Variants in SCHIP1 observed in about 807,000 individuals in gnomAD.
The protein encoded by SCHIP1 is schwannomin-interacting protein 1.
Under a neutral mutation model 29.7 loss-of-function variants are expected in SCHIP1, and 8 were observed. That is an observed-to-expected ratio of 0.27 (90% CI 0.16 to 0.49). SCHIP1 has a LOEUF of 0.49. SCHIP1 is among the 20% of genes least tolerant of loss of function. The pLI, the probability that SCHIP1 is intolerant of heterozygous loss-of-function variation, is 0.99. For synonymous variants in SCHIP1, 76 were observed against 94.9 expected (o/e 0.80, Z 1.16); for missense variants, 193 against 294.6 (o/e 0.66, Z 2.52).
the SCHIP1 span, among the ~76,000 whole-genome samples, chr3:159,634,228 A>C: frequency 6.6e-6 from 1 of 152,208 alleles, no homozygotes; most frequent in African/African-American, 2.4e-5. Flanking sequence ...ATTTTAAAAG[A>C]AAAAGTCATT....
the SCHIP1 span, among the ~76,000 whole-genome samples, chr3:159,500,146 G>GT: frequency 6.6e-3 from 968 of 146,814 alleles, 9 homozygotes; most frequent in African/African-American, 0.022. Flanking sequence ...TTGTTTTTTT[G>GT]TTTTTTTTTT....
the SCHIP1 span, among the ~76,000 whole-genome samples, chr3:159,532,633 T>TACA: frequency 6.6e-6 from 1 of 152,222 alleles, no homozygotes; most frequent in African/African-American, 2.4e-5. Context: ...AAGCAACAGA[T>TACA]ACACCAGAAA....
the SCHIP1 span, among the ~76,000 whole-genome samples, chr3:159,815,222 T>A: frequency 6.6e-6 from 1 of 152,268 alleles, no homozygotes; most frequent in East Asian, 1.9e-4. Flanking sequence ...AAGTTAGGAG[T>A]CTCAGAAATA....
chr3:159,488,864 A>G, the SCHIP1 span, among the ~76,000 whole-genome samples: 1 of 152,230 alleles, frequency 6.6e-6, no homozygotes, highest in South Asian at 2.1e-4. Context: ...AGATCTTATT[A>G]AAGTAATTAG....
chr3:159,353,398 C>T, the SCHIP1 span, among the ~76,000 whole-genome samples: 1 of 152,084 alleles, frequency 6.6e-6, no homozygotes, highest in Non-Finnish European at 1.5e-5. Flanking sequence ...CAGGCAGAGT[C>T]TAAACCCTGA....
chr3:159,895,427 T>C lies in SCHIP1; in HGVS notation c.684-1296T>C, dbSNP rs546827055. 2.0e-5 allele frequency among the ~76,000 whole-genome samples: 3 copies of C among 152,298 alleles called. No homozygotes were observed. The East Asian group carries it at 5.8e-4, about 29-fold the overall frequency. ...GCACACACAAACTATTCCTAAACGT[T>C]TGATTATAGCTGGAAACCACAGCCC... On this transcript the variant is annotated intron_variant, in intron 6 of 6. Coordinates refer to ENST00000445224, the Ensembl canonical transcript of SCHIP1.
At chr3:159,839,628 C>CTTTTTT (rs3068349), upstream of SCHIP1, among the ~76,000 whole-genome samples, 653 of 71,908 alleles carry the variant, frequency 9.1e-3, 1 homozygote, top group East Asian at 0.02. Flanking sequence ...AGGTCTTTTT[C>CTTTTTT]TTTTTTTTTT....
At chr3:159,654,837 C>T in the SCHIP1 span, among the ~76,000 whole-genome samples, 3 of 148,250 alleles carry the variant, frequency 2.0e-5, no homozygotes, top group Admixed American at 1.3e-4. Flanking sequence ...CCTCACAAAC[C>T]ATGCGAAGAC....
chr3:159,382,665 C>G, the SCHIP1 span, among the ~76,000 whole-genome samples: 26 of 151,054 alleles, frequency 1.7e-4, no homozygotes, highest in Non-Finnish European at 3.0e-4. Flanking sequence ...AGTTCTAGAT[C>G]CCTGAGGAAT....
the SCHIP1 span, among the ~76,000 whole-genome samples, chr3:159,359,625 A>G: frequency 0.06 from 9,142 of 152,308 alleles, 777 homozygotes; most frequent in African/African-American, 0.19. Flanking sequence ...TAAATAAATA[A>G]TACATTGTAT....
At chr3:159,546,875 T>TAAAC in the SCHIP1 span, among the ~76,000 whole-genome samples, 30,818 of 152,072 alleles carry the variant, frequency 0.2, 3,228 homozygotes, top group South Asian at 0.35. Flanking sequence ...AGTGCTGCAA[T>TAAAC]AAACATACAT....
the SCHIP1 span, among the ~76,000 whole-genome samples, chr3:159,330,123 T>C: frequency 6.6e-6 from 1 of 152,236 alleles, no homozygotes; most frequent in Non-Finnish European, 1.5e-5. Flanking sequence ...TATTGTGATA[T>C]GTGGAAGGGT....
chr3:159,300,858 A>G, the SCHIP1 span, among the ~76,000 whole-genome samples: 1 of 152,100 alleles, frequency 6.6e-6, no homozygotes, highest in Non-Finnish European at 1.5e-5. Context: ...TCAATGGAAA[A>G]ACCAAATCAC....
chr3:159,330,845 G>C, the SCHIP1 span, among the ~76,000 whole-genome samples: 7 of 152,146 alleles, frequency 4.6e-5, no homozygotes, highest in South Asian at 1.5e-3. Flanking sequence ...TGTACACTGT[G>C]CTTGAGTTTT....
the SCHIP1 span, among the ~76,000 whole-genome samples, chr3:159,692,410 CTTTG>C: frequency 5.7e-3 from 867 of 152,202 alleles, 8 homozygotes; most frequent in Non-Finnish European, 6.8e-3. Context: ...TTCTTGGAGG[CTTTG>C]TTTGTTTCTT....
At chr3:159,506,016 C>G in the SCHIP1 span, among the ~76,000 whole-genome samples, 1 of 152,182 alleles carries the variant, frequency 6.6e-6, no homozygotes, top group African/African-American at 2.4e-5. Flanking sequence ...AATGGTATTT[C>G]TAGTTCTAGA....
chr3:159,364,144 TATC>T, the SCHIP1 span, among the ~76,000 whole-genome samples: 2 of 152,228 alleles, frequency 1.3e-5, no homozygotes, highest in African/African-American at 2.4e-5. Context: ...CAGCACATCT[TATC>T]ATGACTTTGA....
the SCHIP1 span, among the ~76,000 whole-genome samples, chr3:159,544,534 TGTTTAA>T: frequency 6.6e-6 from 1 of 152,082 alleles, no homozygotes; most frequent in Non-Finnish European, 1.5e-5. Flanking sequence ...ACAATCAGGT[TGTTTAA>T]GTTTGACCAT....
the SCHIP1 span, among the ~76,000 whole-genome samples, chr3:159,506,132 T>C: frequency 6.6e-6 from 1 of 152,216 alleles, no homozygotes; most frequent in African/African-American, 2.4e-5. Flanking sequence ...CCAGCACCTG[T>C]TGTTCCCTGA....
Sources: gnomAD v4.1 joint callset for allele counts (sites outside exome capture counted in the v4.1 genomes callset) on GRCh38, gnomAD v4.1.1 for gene constraint, MANE v1.5 for transcripts, NCBI Gene and HGNC (gene_info 2026-07-23, HGNC 2026-07-21) for gene names.